PIK3CD: variants seen among roughly 807,000 people sequenced by gnomAD.
The protein encoded by PIK3CD is phosphatidylinositol 4,5-bisphosphate 3-kinase catalytic subunit delta isoform.
Under a neutral mutation model 122.9 loss-of-function variants are expected in PIK3CD, and 20 were observed. The observed-to-expected ratio is 0.16, with a 90% CI of 0.11 to 0.24. The LOEUF (loss-of-function observed/expected upper bound fraction) is 0.24, where lower values mean the gene tolerates loss of function less well. PIK3CD is among the 10% of genes least tolerant of loss of function. The probability of loss-of-function intolerance (pLI) is 1.00; values close to 1 mark genes in which losing one functional copy is unlikely to be tolerated. For synonymous variants in PIK3CD, 596 were observed against 593.4 expected (o/e 1.00, Z -0.06); for missense variants, 787 against 1,406.3 (o/e 0.56, Z 7.04).
Position 9,695,419 on chromosome 1 carries a change from G to A in PIK3CD, c.-33+3848G>A, listed in dbSNP as rs550273047. ...ATACCATGAATAATAAAAGGCCCAC[G>A]CTATAGGACATCATCATGAACTTTC... On this transcript the variant is annotated intron_variant, in intron 2 of 23. Coordinates refer to ENST00000377346, the MANE Select transcript of PIK3CD (RefSeq NM_005026.5). 1.2e-3 allele frequency among the ~76,000 whole-genome samples: 189 copies of A among 152,184 alleles called. 1 individual carries two copies. The highest frequency in any genetic ancestry group is 4.4e-3 in the African/African-American group (183 of 41,508).
upstream of PIK3CD, among the ~76,000 whole-genome samples, chr1:9,647,629 C>G (rs907715614): frequency 1.3e-5 from 2 of 151,722 alleles, no homozygotes; most frequent in East Asian, 3.9e-4. Flanking sequence ...ACCTCAGCCT[C>G]CCAAGTAGCT....
chr1:9,657,963 G>T (rs1174964980), intron 1 of PIK3CD, among the ~76,000 whole-genome samples: 1 of 151,956 alleles, frequency 6.6e-6, no homozygotes, highest in Non-Finnish European at 1.5e-5. Context: ...CTCTGGAAGG[G>T]CTGGGCCCCC....
the PIK3CD span, among the ~76,000 whole-genome samples, chr1:9,629,020 G>A: frequency 4.6e-5 from 7 of 152,206 alleles, no homozygotes; most frequent in Admixed American, 1.3e-4. Flanking sequence ...AGTGAGGGGC[G>A]GGCCTGGGTG....
Position 9,704,439 on chromosome 1 carries a change from C to G in PIK3CD, c.-32-5985C>G, listed in dbSNP as rs1182428670. ...TGACTTTCAAAGCCCATGGTCAAAG[C>G]CCATTTCATGTCATAAGTGGATTCT... On this transcript the variant is annotated intron_variant, in intron 2 of 23. Transcript: ENST00000377346. The surrounding 1 kb of genome is among the most constrained non-coding windows in gnomAD (Gnocchi z 5.0). 6.6e-6 allele frequency among the ~76,000 whole-genome samples: 1 copy of G among 152,164 alleles called. No homozygotes were observed. Among genetic ancestry groups the G allele is most frequent in the Non-Finnish European group, 1.5e-5 (1 of 68,034 alleles).
At chr1:9,675,385 CAAAAAA>C (rs34447888) in intron 1 of PIK3CD, among the ~76,000 whole-genome samples, 2 of 59,498 alleles carry the variant, frequency 3.4e-5, no homozygotes, top group Non-Finnish European at 7.7e-5. Context: ...GACTCCGTCT[CAAAAAA>C]AAAAAAAAAA....
At chr1:9,636,019 T>C in the PIK3CD span, among the ~76,000 whole-genome samples, 91 of 152,352 alleles carry the variant, frequency 6.0e-4, no homozygotes, top group African/African-American at 2.0e-3. Flanking sequence ...CCCAGCTTTT[T>C]AATCTTACAT....
rs1649895581 is a variant in PIK3CD, at chr1:9,727,728, GGGCCTCATGTA to G, written c.*684_*694del. ...TCCTCAGGACGTGTTAAAGAGATCT[GGGCCTCATGTA>G]GCTCACCCCGGTCACGCATGAAGGC... On this transcript the variant is annotated 3_prime_UTR_variant, in exon 24 of 24. Transcript: ENST00000377346. 9.4e-6 allele frequency: 2 copies of G among 211,796 alleles called. No individual in the cohort carries two copies. The highest frequency in any genetic ancestry group is 1.9e-5 in the Non-Finnish European group (2 of 104,634). The allele number at this position is 211,796 out of a possible 1,614,324, so 13.1% of individuals were successfully genotyped here.
upstream of PIK3CD, chr1:9,651,671 T>C (rs2100669632): frequency 6.6e-6 from 1 of 151,236 alleles, no homozygotes; most frequent in African/African-American, 2.4e-5. Context: ...GGAAGTGGAG[T>C]GTGCGGGTTG....
intron 1 of PIK3CD, among the ~76,000 whole-genome samples, chr1:9,658,965 A>C (rs1449964221): frequency 6.6e-6 from 1 of 152,244 alleles, no homozygotes; most frequent in Non-Finnish European, 1.5e-5. Context: ...ATAGCAATCC[A>C]TGCAGTGTCT....
chr1:9,710,282 T>G lies in PIK3CD; in HGVS notation c.-32-142T>G, dbSNP rs978747889. 9.8e-6 allele frequency: 7 copies of G among 716,112 alleles called. No homozygotes were observed. In the Admixed American group the frequency reaches 1.0e-4, roughly 10 times the overall value. The allele number at this position is 716,112 out of a possible 1,614,324, so 44.4% of individuals were successfully genotyped here. A position where few individuals can be genotyped will look rare whatever the true frequency, so the allele number is the denominator to read the frequency against. ...GGGCAGGACGAGGCCCTGAGGGAGG[T>G]GAGCTTTTTGTACCCGCAGGTCGGG... On this transcript the variant is annotated intron_variant, in intron 2 of 23. Transcript: ENST00000377346. This position sits in a 1 kb window ranked among gnomAD's most constrained non-coding sequence, Gnocchi z 4.7.
At chr1:9,629,787 G>C in the PIK3CD span, among the ~76,000 whole-genome samples, 14 of 152,188 alleles carry the variant, frequency 9.2e-5, no homozygotes, top group Non-Finnish European at 1.6e-4. Flanking sequence ...CCCTGCAGTC[G>C]GGCCGGGACC....
At position 9,717,647 on chromosome 1, in the gene PIK3CD, G is replaced by A. The variant is rs760817684; in HGVS notation, c.1020+21G>A. 2 of 1,608,994 alleles carry A rather than the reference G, an allele frequency of 1.2e-6. No individual in the cohort carries two copies. The highest frequency in any genetic ancestry group is 1.7e-6 in the Non-Finnish European group (2 of 1,175,552). On this transcript the variant is annotated intron_variant, in intron 8 of 23. Coordinates refer to ENST00000377346, the MANE Select transcript of PIK3CD (RefSeq NM_005026.5). The surrounding 1 kb of genome is among the most constrained non-coding windows in gnomAD (Gnocchi z 5.4). ...TGAAGGTGGGGCTCCTGGGATAGGT[G>A]GGAGAGACACTGTTTTTTTGCACAA...
At chr1:9,672,103 C>T (rs1645347620) in intron 1 of PIK3CD, among the ~76,000 whole-genome samples, 1 of 152,190 alleles carries the variant, frequency 6.6e-6, no homozygotes, top group African/African-American at 2.4e-5. Context: ...CCCACCATCC[C>T]TCCAGCCTGA....
In PIK3CD at chr1:9,720,528, T is replaced by C; in HGVS notation, c.1471-83T>C. On this transcript the variant is annotated intron_variant, in intron 11 of 23. Transcript: ENST00000377346. This position sits in a 1 kb window ranked among gnomAD's most constrained non-coding sequence, Gnocchi z 9.0. ...GAGGACAGCGCCCCCTCAAGGATGA[T>C]TGGGGTGGCAATGCCCGGCCTGGGG... 4 of 1,544,222 alleles carry C rather than the reference T, an allele frequency of 2.6e-6. No homozygotes were observed. Among genetic ancestry groups the C allele is most frequent in the African/African-American group, 1.4e-5 (1 of 73,046 alleles).
chr1:9,637,991 C>T, the PIK3CD span, among the ~76,000 whole-genome samples: 1 of 151,992 alleles, frequency 6.6e-6, no homozygotes, highest in Non-Finnish European at 1.5e-5. Flanking sequence ...CCTGTAGTCC[C>T]AGCTACTCGG....
At chr1:9,691,113 G>A (rs114249716) in intron 1 of PIK3CD, among the ~76,000 whole-genome samples, 220 of 152,332 alleles carry the variant, frequency 1.4e-3, no homozygotes, top group South Asian at 0.012. Flanking sequence ...TGCATCCATC[G>A]AATGGAACTC....
the PIK3CD span, among the ~76,000 whole-genome samples, chr1:9,633,984 T>A: frequency 1.3e-5 from 2 of 151,610 alleles, no homozygotes; most frequent in African/African-American, 4.9e-5. Flanking sequence ...CCTTTTTTTC[T>A]TTTTTTTAGA....
At chr1:9,645,290 A>AT in the PIK3CD span, among the ~76,000 whole-genome samples, 1 of 152,032 alleles carries the variant, frequency 6.6e-6, no homozygotes, top group Non-Finnish European at 1.5e-5. Flanking sequence ...AAGTGCTGGG[A>AT]TTAGAGGCGT....
rs76846926 is a variant in PIK3CD at position 9,710,661 on chromosome 1, A to G, written c.141+65A>G. ...GAGAGAGAGAGAGAGAGAGACACAGATAGACAGACAGACAGACAGACAGAT... is the reference window on the plus strand; with the variant it reads ...GAGAGAGAGAGAGAGAGAGACACAGGTAGACAGACAGACAGACAGACAGAT... On this transcript the variant is annotated intron_variant, in intron 3 of 23. Coordinates refer to ENST00000377346, the MANE Select transcript of PIK3CD (RefSeq NM_005026.5). This position sits in a 1 kb window ranked among gnomAD's most constrained non-coding sequence, Gnocchi z 4.7. 1,857 of 1,554,352 alleles carry G rather than the reference A, an allele frequency of 1.2e-3. 24 individuals carry two copies. In the African/African-American group the frequency reaches 0.023, roughly 19 times the overall value.
Sources: gnomAD v4.1 joint callset for allele counts (sites outside exome capture counted in the v4.1 genomes callset) on GRCh38, gnomAD v4.1.1 for gene constraint, Gnocchi (gnomAD v3.1) non-coding constraint, MANE v1.5 for transcripts, NCBI Gene and HGNC (gene_info 2026-07-23, HGNC 2026-07-21) for gene names.